Variants in KAT6B observed in about 807,000 individuals in gnomAD.
The protein encoded by KAT6B is histone acetyltransferase KAT6B.
Under a neutral mutation model 187.5 loss-of-function variants are expected in KAT6B, and 10 were observed. That is an observed-to-expected ratio of 0.05 (90% confidence interval 0.03 to 0.09). KAT6B has a LOEUF of 0.09. Ranked by LOEUF, KAT6B falls within the 10% of genes least tolerant of loss-of-function variation. The pLI, the probability that KAT6B is intolerant of heterozygous loss-of-function variation, is 1.00. For missense variants in KAT6B, 1,952 were observed against 2,558.9 expected, an observed-to-expected ratio of 0.76 and a Z score of 5.12; for synonymous variants, 861 against 926.8, an observed-to-expected ratio of 0.93 and a Z score of 1.29.
chr10:74,996,544 G>A (rs1443554167), intron 13 of KAT6B, among the ~76,000 whole-genome samples: 3 of 152,042 alleles, frequency 2.0e-5, no homozygotes, highest in Non-Finnish European at 4.4e-5. Flanking sequence ...GCCGAGGCAG[G>A]CAGATCACGA....
At chr10:74,857,895 A>G (rs1330506197) in intron 3 of KAT6B, among the ~76,000 whole-genome samples, 1 of 152,190 alleles carries the variant, frequency 6.6e-6, no homozygotes, top group Non-Finnish European at 1.5e-5. Flanking sequence ...GATGGCACAG[A>G]ACTGTAGTCC....
At chr10:74,906,886 C>T (rs1321073969) in intron 3 of KAT6B, among the ~76,000 whole-genome samples, 7 of 152,198 alleles carry the variant, frequency 4.6e-5, no homozygotes, top group Non-Finnish European at 1.0e-4. Context: ...AACTGCCCAT[C>T]CCACACCTAC....
intron 3 of KAT6B, among the ~76,000 whole-genome samples, chr10:74,852,638 C>T (rs149777369): frequency 7.9e-5 from 12 of 152,310 alleles, no homozygotes; most frequent in Admixed American, 6.5e-4. Context: ...GGCATGACAG[C>T]GTGTTCCACT....
At chr10:75,024,058 A>G (rs1027048011) in intron 16 of KAT6B, 1 of 152,134 alleles carries the variant, frequency 6.6e-6, no homozygotes. Context: ...AAAACATTTT[A>G]TAATTACAAT....
At chr10:74,901,211 A>G (rs1422349491) in intron 3 of KAT6B, among the ~76,000 whole-genome samples, 2 of 152,228 alleles carry the variant, frequency 1.3e-5, no homozygotes, top group Non-Finnish European at 2.9e-5. Flanking sequence ...AGCCAACTGA[A>G]TGAATGATGA....
chr10:74,873,771 C>T (rs1323728735), intron 3 of KAT6B, among the ~76,000 whole-genome samples: 1 of 152,196 alleles, frequency 6.6e-6, no homozygotes. Context: ...ATAGAATCTT[C>T]TCCCCAAGGT....
intron 3 of KAT6B, among the ~76,000 whole-genome samples, chr10:74,905,341 T>C (rs1161693120): frequency 6.6e-6 from 1 of 152,118 alleles, no homozygotes; most frequent in Non-Finnish European, 1.5e-5. Flanking sequence ...CGTCAAGAAA[T>C]GGGCAATAAA....
intron 3 of KAT6B, among the ~76,000 whole-genome samples, chr10:74,873,912 A>T (rs2132437815): frequency 6.6e-6 from 1 of 152,310 alleles, no homozygotes; most frequent in African/African-American, 2.4e-5. Flanking sequence ...TGCAGACAGA[A>T]ATTTTACTCT....
chr10:74,869,228 G>A (rs916917456), intron 3 of KAT6B, among the ~76,000 whole-genome samples: 3 of 152,004 alleles, frequency 2.0e-5, no homozygotes, highest in Non-Finnish European at 2.9e-5. Context: ...TATAATCAAA[G>A]CATATATACA....
At chr10:74,872,683 AT>A (rs56753846) in intron 3 of KAT6B, among the ~76,000 whole-genome samples, 264 of 143,442 alleles carry the variant, frequency 1.8e-3, no homozygotes, top group South Asian at 4.4e-3. Flanking sequence ...TGGCTAATTA[AT>A]TTTTTTTTTT....
At chr10:74,989,307 G>A (rs533052724) in intron 13 of KAT6B, among the ~76,000 whole-genome samples, 195 bp downstream of exon 13, 52 of 152,272 alleles carry the variant, frequency 3.4e-4, no homozygotes, top group Middle Eastern at 3.4e-3. Flanking sequence ...TTGTACTCTA[G>A]GAAATTGAGA....
intron 3 of KAT6B, among the ~76,000 whole-genome samples, chr10:74,917,706 CA>C (rs1847796293): frequency 6.6e-6 from 1 of 152,186 alleles, no homozygotes; most frequent in Non-Finnish European, 1.5e-5. Flanking sequence ...CACTGAATAA[CA>C]GTGTTGAGGC....
intron 3 of KAT6B, among the ~76,000 whole-genome samples, chr10:74,921,108 A>ATTTTTTTT (rs10550175): frequency 9.1e-6 from 1 of 109,514 alleles, no homozygotes; most frequent in Non-Finnish European, 1.7e-5. Context: ...TGTAGTCTAA[A>ATTTTTTTT]TTTTTTTTTT....
At chr10:75,026,085 AG>A (rs1299730388) in intron 17 of KAT6B, 3 of 147,070 alleles carry the variant, frequency 2.0e-5, no homozygotes, top group Admixed American at 1.4e-4. Flanking sequence ...ACCTGAGCTC[AG>A]GGTGAGCCAT....
rs1479908870 is a variant in KAT6B at position 74,972,580 on chromosome 10, A to C, written c.1002A>C (p.Ile334=). 6.2e-7 allele frequency: 1 copy of C among 1,613,298 alleles called. No individual in the cohort carries two copies. Among genetic ancestry groups the C allele is most frequent in the Non-Finnish European group, 8.5e-7 (1 of 1,179,320 alleles). Residue 334 remains isoleucine, a synonymous_variant, in exon 7 of 18, where the codon ATA becomes ATC. Coordinates refer to ENST00000287239, the MANE Select transcript of KAT6B (RefSeq NM_012330.4). The part of the protein sequence containing the change: ...RKLLHEKAAQ[I]KRRYAKPIGR... ...TACTTCATGAGAAAGCTGCACAAAT[A>C]AAACGACGATATGCAAAACCCATTG...
At chr10:74,932,672 C>T (rs1404101569) in intron 3 of KAT6B, among the ~76,000 whole-genome samples, 1 of 152,156 alleles carries the variant, frequency 6.6e-6, no homozygotes, top group Non-Finnish European at 1.5e-5. Flanking sequence ...TCATCTGCTA[C>T]CCAGTGAGAA....
At position 75,030,251 on chromosome 10, in the gene KAT6B, G is replaced by T. The variant is rs370396484; in HGVS notation, c.5427G>T (p.Pro1809=). The T allele has an allele frequency of 1.9e-5, 30 of 1,614,020 alleles. No homozygotes were observed. The African/African-American group carries it at 3.9e-4, about 21-fold the overall frequency. ...GQSDFGAGHY[P]QPSATFSLAK... is the part of the protein sequence containing the mutation. The stretch of plus-strand genomic sequence containing the variant: ...GTGATTTTGGGGCTGGGCATTACCC[G>T]CAGCCGTCAGCCACCTTCAGCCTTG... Residue 1809 remains proline, a synonymous_variant, in exon 18 of 18, where the codon CCG becomes CCT. Transcript: ENST00000287239. This position sits in a 1 kb window ranked among gnomAD's most constrained non-coding sequence, Gnocchi z 4.8.
At chr10:74,875,670 C>T (rs1449446414) in intron 3 of KAT6B, among the ~76,000 whole-genome samples, 5 of 151,842 alleles carry the variant, frequency 3.3e-5, no homozygotes, top group Non-Finnish European at 5.9e-5. Context: ...TTCACCATGC[C>T]GGCCAGGCTG....
At chr10:74,827,946 G>A (rs1840393236) in intron 1 of KAT6B, among the ~76,000 whole-genome samples, 1 of 152,136 alleles carries the variant, frequency 6.6e-6, no homozygotes, top group African/African-American at 2.4e-5. Context: ...CGTGAGCTAT[G>A]GCGACCCGTG....
Sources: allele counts gnomAD v4.1 joint callset (sites outside exome capture counted in the v4.1 genomes callset), GRCh38; gene constraint gnomAD v4.1.1; non-coding constraint Gnocchi (gnomAD v3.1); transcripts MANE v1.5; gene names NCBI Gene and HGNC (gene_info 2026-07-23, HGNC 2026-07-21).